ZNF385D: variants seen among roughly 807,000 people sequenced by gnomAD.
ZNF385D encodes the protein zinc finger protein 385D.
In ZNF385D, 15 loss-of-function variants were observed where a neutral mutation model predicts 35.8. The ratio of observed to expected loss-of-function variants is 0.42; its 90% CI spans 0.28 to 0.64. The LOEUF is 0.64. Ranked by LOEUF, ZNF385D falls within the 30% of genes least tolerant of loss-of-function variation. The pLI, the probability that ZNF385D is intolerant of heterozygous loss-of-function variation, is 0.23. For missense variants in ZNF385D, 474 were observed against 494.6 expected (o/e 0.96, Z 0.39); for synonymous variants, 212 against 186.8 (o/e 1.13, Z -1.10).
chr3:21,861,946 A>C (rs1031286784), intron 3 of ZNF385D, among the ~76,000 whole-genome samples: 1 of 152,086 alleles, frequency 6.6e-6, no homozygotes, highest in Non-Finnish European at 1.5e-5. Context: ...CTTCAGGAAA[A>C]CCATGCCATG....
chr3:22,290,874 G>GT (rs1317547498), intron 2 of ZNF385D, among the ~76,000 whole-genome samples: 1 of 152,086 alleles, frequency 6.6e-6, no homozygotes, highest in South Asian at 2.1e-4. Flanking sequence ...TGGCTCTGTA[G>GT]TATCCATTTG....
At chr3:22,295,765 A>G (rs1380357571) in intron 2 of ZNF385D, among the ~76,000 whole-genome samples, 1 of 152,108 alleles carries the variant, frequency 6.6e-6, no homozygotes, top group East Asian at 1.9e-4. Flanking sequence ...TTTTAATCTA[A>G]TATTTTCCTT....
intron 3 of ZNF385D, among the ~76,000 whole-genome samples, chr3:21,840,796 C>A (rs1695618132): frequency 6.7e-6 from 1 of 148,248 alleles, no homozygotes; most frequent in Non-Finnish European, 1.5e-5. Flanking sequence ...TGATAAATTA[C>A]CCCCTTATGT....
At chr3:22,022,593 G>A (rs1231615792) in intron 3 of ZNF385D, among the ~76,000 whole-genome samples, 3 of 152,136 alleles carry the variant, frequency 2.0e-5, no homozygotes, top group Admixed American at 6.6e-5. Flanking sequence ...CAAATGAACA[G>A]CATGTCCACT....
chr3:21,855,002 C>G (rs1204983607), intron 3 of ZNF385D, among the ~76,000 whole-genome samples: 1 of 151,838 alleles, frequency 6.6e-6, no homozygotes, highest in African/African-American at 2.4e-5. Flanking sequence ...GGCTGGCACT[C>G]ACATCTATAC....
chr3:22,343,076 T>C (rs1305846007), intron 2 of ZNF385D, among the ~76,000 whole-genome samples: 1 of 152,260 alleles, frequency 6.6e-6, no homozygotes, highest in Non-Finnish European at 1.5e-5. Context: ...GTTTTAACGA[T>C]ACATATTTGG....
At chr3:22,265,209 C>G (rs939520792) in intron 2 of ZNF385D, among the ~76,000 whole-genome samples, 3 of 151,838 alleles carry the variant, frequency 2.0e-5, no homozygotes, top group African/African-American at 7.3e-5. Flanking sequence ...AAACTGCAAC[C>G]TGATAGAGAA....
At chr3:21,687,351 T>G (rs918173885) in intron 1 of ZNF385D, among the ~76,000 whole-genome samples, 2 of 152,226 alleles carry the variant, frequency 1.3e-5, no homozygotes, top group African/African-American at 4.8e-5. Context: ...GGAGTTCGTT[T>G]GTTAAGTAGC....
chr3:21,821,183 T>C (rs950527169), intron 3 of ZNF385D, among the ~76,000 whole-genome samples: 3 of 151,762 alleles, frequency 2.0e-5, no homozygotes, highest in Non-Finnish European at 4.4e-5. Context: ...ACAAGAATAG[T>C]AGAAGGTGGT....
intron 2 of ZNF385D, among the ~76,000 whole-genome samples, chr3:22,322,222 C>A (rs1222270313): frequency 6.6e-6 from 1 of 152,148 alleles, no homozygotes; most frequent in Non-Finnish European, 1.5e-5. Flanking sequence ...CTTTTCCTAA[C>A]ATGTAGTACC....
rs1013779582 is a variant in ZNF385D, at chr3:22,307,763, C to G, written c.106+64687G>C. ...CTCTGTTTTAAAAAAAAAAAAAAAACTTTCTTTCTTAGGGTAATCTTAAAT... is the reference window on the plus strand; with the variant it reads ...CTCTGTTTTAAAAAAAAAAAAAAAAGTTTCTTTCTTAGGGTAATCTTAAAT... On this transcript the variant is annotated intron_variant, in intron 2 of 5. Transcript: ENST00000494108. Among the ~76,000 whole-genome samples, 3 of 141,416 alleles carry G rather than the reference C, an allele frequency of 2.1e-5. No individual in the cohort carries two copies. In the Admixed American group the frequency reaches 2.1e-4, roughly 10 times the overall value. The allele number at this position is 141,416 out of a possible 152,430, so 92.8% of individuals were successfully genotyped here.
intron 3 of ZNF385D, among the ~76,000 whole-genome samples, chr3:22,065,385 T>C (rs1054000036): frequency 9.8e-5 from 15 of 152,316 alleles, no homozygotes; most frequent in Admixed American, 5.9e-4. Flanking sequence ...GGGACTTGAC[T>C]GCAAAGAATG....
rs576046878 is a variant in ZNF385D at position 22,185,234 on chromosome 3, C to T, written c.107-16199G>A. Among the ~76,000 whole-genome samples, 407 of 152,078 alleles carry T rather than the reference C, an allele frequency of 2.7e-3. 2 individuals carry two copies. Among genetic ancestry groups the T allele is most frequent in the African/African-American group, 8.2e-3 (342 of 41,498 alleles). On this transcript the variant is annotated intron_variant, in intron 2 of 5. Coordinates refer to the ZNF385D transcript ENST00000494108. ...TAGATCAATAATAACGGGACAGAAA[C>T]GAAATACTAAGAGAACATTTGAGCC...
chr3:21,589,890 A>G (rs533039617), intron 2 of ZNF385D, among the ~76,000 whole-genome samples: 1 of 152,272 alleles, frequency 6.6e-6, no homozygotes, highest in East Asian at 1.9e-4. Flanking sequence ...TTATACATCT[A>G]GGTGGGAGTA....
intron 3 of ZNF385D, among the ~76,000 whole-genome samples, chr3:21,929,777 A>G (rs1180592326): frequency 6.6e-6 from 1 of 152,042 alleles, no homozygotes; most frequent in Non-Finnish European, 1.5e-5. Context: ...ACTGAAAACT[A>G]CAAATAATAC....
At chr3:22,062,446 C>T (rs1354632635) in intron 3 of ZNF385D, among the ~76,000 whole-genome samples, 1 of 152,106 alleles carries the variant, frequency 6.6e-6, no homozygotes, top group Admixed American at 6.6e-5. Context: ...AGTCTAAGTT[C>T]ATAACTAAGG....
Position 22,240,520 on chromosome 3 carries a change from T to C in ZNF385D, c.107-71485A>G, listed in dbSNP as rs150486932. Among the ~76,000 whole-genome samples, 471 of 151,042 alleles carry C rather than the reference T, an allele frequency of 3.1e-3. 31 individuals are homozygous for C. Among genetic ancestry groups the C allele is most frequent in the African/African-American group, 0.011 (438 of 40,896 alleles). Reference sequence around the variant, plus strand: ...TCCTTTCTAATTGGATGTGGACTATTGAACTCCTTTCAGATCTGTGCTTCC... The same window carrying C: ...TCCTTTCTAATTGGATGTGGACTATCGAACTCCTTTCAGATCTGTGCTTCC... On this transcript the variant is annotated intron_variant, in intron 2 of 5. Coordinates refer to the ZNF385D transcript ENST00000494108.
intron 2 of ZNF385D, among the ~76,000 whole-genome samples, chr3:22,285,877 A>T (rs562740998): frequency 1.3e-3 from 191 of 152,290 alleles, no homozygotes; most frequent in African/African-American, 4.5e-3. Flanking sequence ...ATCCTTAAAA[A>T]GTATTTACTA....
chr3:22,076,398 C>T (rs1411331142), intron 3 of ZNF385D, among the ~76,000 whole-genome samples: 2 of 151,842 alleles, frequency 1.3e-5, no homozygotes, highest in South Asian at 2.1e-4. Flanking sequence ...CATTAGCTGG[C>T]TTATTTTTTA....
Sources: allele counts gnomAD v4.1 joint callset (sites outside exome capture counted in the v4.1 genomes callset), GRCh38; gene constraint gnomAD v4.1.1; transcripts MANE v1.5; gene names NCBI Gene and HGNC (gene_info 2026-07-23, HGNC 2026-07-21).